KIF26B: variants seen among roughly 807,000 people sequenced by gnomAD.
KIF26B encodes the protein kinesin-like protein KIF26B.
In KIF26B, 63 loss-of-function variants were observed where a neutral mutation model predicts 151.2. That is an observed-to-expected ratio of 0.42 (90% CI 0.34 to 0.51). KIF26B has a LOEUF of 0.51. Among genes scored for constraint, KIF26B ranks in the 20% least tolerant of loss-of-function variants. The pLI is 0.07. For missense variants in KIF26B, 2,813 were observed against 2,913.6 expected, an observed-to-expected ratio of 0.97 and a Z score of 0.79; for synonymous variants, 1,357 against 1,262.1, an observed-to-expected ratio of 1.08 and a Z score of -1.59.
At chr1:245,541,034 A>C in intron 5 of KIF26B, 84 bp downstream of exon 5, 1 of 1,104,224 alleles carries the variant, frequency 9.1e-7, no homozygotes, top group Non-Finnish European at 1.3e-6. Flanking sequence ...GAGGCCTCCA[A>C]TGTATTAAAA....
At chr1:245,679,449 T>TTGTG (rs1553303888) in intron 10 of KIF26B, among the ~76,000 whole-genome samples, 39 of 102,508 alleles carry the variant, frequency 3.8e-4, no homozygotes, top group East Asian at 7.7e-4. Flanking sequence ...TGTGTTTTTT[T>TTGTG]TGTGTGTGTT....
At position 245,698,172 on chromosome 1, in the gene KIF26B, C is replaced by T. The variant is rs565378969; in HGVS notation, c.5891C>T (p.Pro1964Leu). 7 of 1,614,056 alleles carry T rather than the reference C, an allele frequency of 4.3e-6. No individual in the cohort carries two copies. The highest frequency in any genetic ancestry group is 4.0e-5 in the African/African-American group (3 of 75,058). The change falls in exon 13 of 15, where the codon CCC (proline) becomes CTC (leucine). Residue 1964 changes from proline (P) to leucine (L), a missense_variant. Pro to Leu is a moderately conservative substitution (Grantham distance 98). Coordinates refer to ENST00000407071, the MANE Select transcript of KIF26B (RefSeq NM_018012.4). The surrounding 1 kb of genome is among the most constrained non-coding windows in gnomAD (Gnocchi z 4.0). ...LDTSSPVRKP[P>L]NSTGVRWVDG... ...ACCTCTTCCCCTGTGAGAAAACCCCCCAACAGCACAGGCGTCCGCTGGGTG... is the reference window on the plus strand; with the variant it reads ...ACCTCTTCCCCTGTGAGAAAACCCCTCAACAGCACAGGCGTCCGCTGGGTG...
Position 245,686,089 on chromosome 1 carries a change from C to T in KIF26B, c.3106C>T (p.Pro1036Ser). Residue 1036 changes from proline (P) to serine (S), a missense_variant, in exon 12 of 15, where the codon CCA becomes TCA. Physicochemically the swap from Pro to Ser is moderately conservative, Grantham distance 74. Around this residue, in one of 3 missense-constraint regions of KIF26B, gnomAD observed 2,060 missense variants for 2,088.6 expected, o/e 0.99. Coordinates refer to ENST00000407071, the MANE Select transcript of KIF26B (RefSeq NM_018012.4). The surrounding 1 kb of genome is among the most constrained non-coding windows in gnomAD (Gnocchi z 5.6). ...CAGCAGTAGCCAGCACAGCGCCTCC[C>T]CACTCGTGCAGAGCCCCAGCCTCCA... is the stretch of plus-strand genomic sequence containing the variant. ...PGSSSQHSAS[P>S]LVQSPSLQSS... 6.2e-7 allele frequency: 1 copy of T among 1,604,558 alleles called. No individual in the cohort carries two copies. Among genetic ancestry groups the T allele is most frequent in the Non-Finnish European group, 8.5e-7 (1 of 1,176,170 alleles).
intron 10 of KIF26B, among the ~76,000 whole-genome samples, chr1:245,679,057 C>G (rs1358323487): frequency 6.6e-6 from 1 of 151,992 alleles, no homozygotes; most frequent in Non-Finnish European, 1.5e-5. Context: ...GATACTGTTT[C>G]CCGGTTACTC....
chr1:245,682,847 C>T (rs1371059458), intron 10 of KIF26B, among the ~76,000 whole-genome samples: 7 of 152,218 alleles, frequency 4.6e-5, no homozygotes, highest in Admixed American at 1.3e-4. Flanking sequence ...TCGTCGAGTG[C>T]GGCTGTCCGT....
intron 2 of KIF26B, chr1:245,282,986 T>G: frequency 3.3e-6 from 1 of 302,768 alleles, no homozygotes; most frequent in Non-Finnish European, 6.8e-6. Context: ...TTTGAAAAAC[T>G]TGTTCTGCTT....
rs879141089 is a variant in KIF26B, at chr1:245,618,724, G to A, written c.2098+6748G>A. On this transcript the variant is annotated intron_variant, in intron 9 of 14. Transcript: ENST00000407071. ...ACAGTGCTGGGGCTGTGTCTGCTAC[G>A]TGCTGTTGGTGAGCTTGTCCAAGCC... 3.5e-4 allele frequency among the ~76,000 whole-genome samples: 45 copies of A among 130,024 alleles called. 1 individual carries two copies. The highest frequency in any genetic ancestry group is 5.4e-3 in the Middle Eastern group (1 of 186). The allele number at this position is 130,024 out of a possible 152,430, so 85.3% of individuals were successfully genotyped here. A position where few individuals can be genotyped will look rare whatever the true frequency, so the allele number is the denominator to read the frequency against.
intron 5 of KIF26B, among the ~76,000 whole-genome samples, chr1:245,579,896 A>G (rs906848271): frequency 6.6e-6 from 1 of 151,618 alleles, no homozygotes; most frequent in South Asian, 2.1e-4. Flanking sequence ...ATACCAGTCT[A>G]TTTCTGAAGG....
intron 2 of KIF26B, among the ~76,000 whole-genome samples, chr1:245,184,050 G>GTTTTTTTTTTTTTTTTTTTTTTT (rs758993117): frequency 0.011 from 219 of 19,786 alleles, 70 homozygotes; most frequent in East Asian, 0.016. Flanking sequence ...GGGAGTTGTT[G>GTTTTTTTTTTTTTTTTTTTTTTT]TTTTTTTTTT....
intron 2 of KIF26B, among the ~76,000 whole-genome samples, chr1:245,224,008 G>C (rs576571397): frequency 7.7e-4 from 118 of 152,284 alleles, no homozygotes; most frequent in African/African-American, 2.7e-3. Flanking sequence ...ATGATGGCCG[G>C]GTGCAGTGGC....
chr1:245,702,901 CT>C lies in KIF26B; in HGVS notation c.*296del, dbSNP rs2044791650. On this transcript the variant is annotated 3_prime_UTR_variant, in exon 15 of 15. Coordinates refer to ENST00000407071, the MANE Select transcript of KIF26B (RefSeq NM_018012.4). The surrounding 1 kb of genome is among the most constrained non-coding windows in gnomAD (Gnocchi z 4.1). ...TAAAGACCTTGTTTGTACATAAGAA[CT>C]GCTAGCAAAAGAGACCTCACTCTTC... 4 of 332,360 alleles carry C rather than the reference CT, an allele frequency of 1.2e-5. No homozygotes were observed. Among genetic ancestry groups the C allele is most frequent in the Non-Finnish European group, 2.2e-5 (4 of 184,226 alleles). The allele number at this position is 332,360 out of a possible 1,614,324, so 20.6% of individuals were successfully genotyped here.
chr1:245,202,165 A>G (rs1349091738), intron 2 of KIF26B, among the ~76,000 whole-genome samples: 1 of 152,158 alleles, frequency 6.6e-6, no homozygotes, highest in Non-Finnish European at 1.5e-5. Flanking sequence ...TATTATTCAC[A>G]TTCAGTAAGA....
At chr1:245,603,976 C>T (rs748893334) in intron 6 of KIF26B, among the ~76,000 whole-genome samples, 1 of 152,146 alleles carries the variant, frequency 6.6e-6, no homozygotes, top group Non-Finnish European at 1.5e-5. Context: ...CCAGATGCTG[C>T]AACTAAAGCT....
At chr1:245,652,117 TGTGTG>T (rs2044023783) in intron 10 of KIF26B, among the ~76,000 whole-genome samples, 1 of 135,032 alleles carries the variant, frequency 7.4e-6, no homozygotes. Context: ...TGTGTGTGTG[TGTGTG>T]TGTGTGTGTG....
At chr1:245,600,305 TG>T (rs2043382275) in intron 5 of KIF26B, among the ~76,000 whole-genome samples, 3 of 144,028 alleles carry the variant, frequency 2.1e-5, no homozygotes, top group Non-Finnish European at 3.1e-5. Context: ...CCCAAAGTGC[TG>T]GGATTACAGG....
intron 7 of KIF26B, among the ~76,000 whole-genome samples, chr1:245,608,072 A>G (rs1031014857): frequency 1.3e-5 from 2 of 152,134 alleles, no homozygotes; most frequent in Non-Finnish European, 2.9e-5. Flanking sequence ...GGAAGCAGAT[A>G]GGGCCCCTTG....
At chr1:245,288,256 A>C (rs1671200397) in intron 2 of KIF26B, among the ~76,000 whole-genome samples, 1 of 152,162 alleles carries the variant, frequency 6.6e-6, no homozygotes, top group Admixed American at 6.5e-5. Context: ...CACACACAGC[A>C]GATTATGACT....
At chr1:245,289,522 G>T (rs145635863) in intron 2 of KIF26B, among the ~76,000 whole-genome samples, 1 of 152,184 alleles carries the variant, frequency 6.6e-6, no homozygotes, top group East Asian at 1.9e-4. Context: ...GCGACATCAA[G>T]GGTGAAAATT....
chr1:245,260,885 T>A (rs543798747), intron 2 of KIF26B, among the ~76,000 whole-genome samples: 1 of 152,230 alleles, frequency 6.6e-6, no homozygotes, highest in South Asian at 2.1e-4. Flanking sequence ...TCTTGTCTTT[T>A]AGCCTAGGAC....
Sources: gnomAD v4.1 joint callset for allele counts (sites outside exome capture counted in the v4.1 genomes callset) on GRCh38, gnomAD v4.1.1 for gene constraint, gnomAD v4.1.1 regional missense constraint, Gnocchi (gnomAD v3.1) non-coding constraint, MANE v1.5 for transcripts, NCBI Gene and HGNC (gene_info 2026-07-23, HGNC 2026-07-21) for gene names.